Variants in RANBP17 observed in about 807,000 individuals in gnomAD.
RANBP17 encodes the protein RAN binding protein 17.
Under a neutral mutation model 141.2 loss-of-function variants are expected in RANBP17, and 158 were observed. The ratio of observed to expected loss-of-function variants is 1.12; its 90% CI spans 0.98 to 1.28. The LOEUF (loss-of-function observed/expected upper bound fraction) is 1.28, where lower values mean the gene tolerates loss of function less well. Among genes scored for constraint, RANBP17 ranks in the 50% most tolerant of loss-of-function variants. The pLI is 0.00. For missense variants in RANBP17, 1,438 were observed against 1,290.7 expected, an observed-to-expected ratio of 1.11 and a Z score of -1.75; for synonymous variants, 430 against 450.0, an observed-to-expected ratio of 0.96 and a Z score of 0.56.
At chr5:171,123,561 C>T (rs567267282) in intron 14 of RANBP17, among the ~76,000 whole-genome samples, 11 of 152,356 alleles carry the variant, frequency 7.2e-5, no homozygotes, top group African/African-American at 2.2e-4. Flanking sequence ...AAACACACCA[C>T]CTGGAGGCCC....
At chr5:170,971,722 A>G (rs1258590239) in intron 14 of RANBP17, among the ~76,000 whole-genome samples, 2 of 152,138 alleles carry the variant, frequency 1.3e-5, no homozygotes. Context: ...CTTTTGGAGT[A>G]TCTCTCAGGT....
Position 171,298,811 on chromosome 5 carries a change from C to A in RANBP17, c.3220C>A (p.Arg1074Ser), listed in dbSNP as rs748673739. ...CAGAAGAGATGTGGCAGAGGCGTTG[C>A]GCAGTGATGGCAACACTGAACCATG... ...VFRRDVAEALRSDGNTEPCSL... is the reference protein window; with the variant it reads ...VFRRDVAEALSSDGNTEPCSL... Residue 1074 changes from arginine (R) to serine (S), a missense_variant, in exon 28 of 28, where the codon CGC (arginine) becomes AGC (serine). Physicochemically the swap from Arg to Ser is moderately radical, Grantham distance 110. Transcript: ENST00000523189. 1 of 1,614,184 alleles carries A rather than the reference C, an allele frequency of 6.2e-7. No homozygotes were observed.
intron 14 of RANBP17, among the ~76,000 whole-genome samples, chr5:171,083,677 C>A (rs1429692359): frequency 6.6e-6 from 1 of 152,150 alleles, no homozygotes; most frequent in African/African-American, 2.4e-5. Flanking sequence ...TGTCCCCATC[C>A]AAATCTCATC....
At chr5:171,284,259 CCTT>C (rs1397418525) in intron 25 of RANBP17, among the ~76,000 whole-genome samples, 5 of 152,160 alleles carry the variant, frequency 3.3e-5, no homozygotes, top group East Asian at 3.9e-4. Flanking sequence ...AGTCTGGCAT[CCTT>C]CTCTTCATTG....
intron 3 of RANBP17, among the ~76,000 whole-genome samples, chr5:170,887,862 C>T (rs1408167432): frequency 6.6e-6 from 1 of 152,090 alleles, no homozygotes; most frequent in Non-Finnish European, 1.5e-5. Flanking sequence ...CAAAAGGGGG[C>T]TGAAATCGTC....
intron 2 of RANBP17, among the ~76,000 whole-genome samples, chr5:170,878,468 A>G (rs1157299088): frequency 6.6e-6 from 1 of 152,164 alleles, no homozygotes; most frequent in African/African-American, 2.4e-5. Flanking sequence ...ATGAATTGAG[A>G]TAGTTTCTTG....
rs369068977 is a variant in RANBP17 at position 170,914,243 on chromosome 5, A to C, written c.834+3A>C. The C allele has an allele frequency of 1.3e-6, 2 of 1,570,832 alleles. No homozygotes were observed. Among genetic ancestry groups the C allele is most frequent in the African/African-American group, 2.7e-5 (2 of 74,016 alleles). ...TTCCACCACTACTATCTCAGTTAGT[A>C]AGTAAAAGTCATTCGTTATTTCGTT... On this transcript the variant is annotated splice_donor_region_variant and intron_variant, in intron 8 of 27. Transcript: ENST00000523189.
intron 25 of RANBP17, among the ~76,000 whole-genome samples, chr5:171,268,902 G>A (rs777600203): frequency 6.6e-6 from 1 of 152,206 alleles, no homozygotes; most frequent in Non-Finnish European, 1.5e-5. Context: ...TTGGGCAGGA[G>A]ACAAATCAAG....
chr5:171,216,722 G>A (rs1763244516), intron 21 of RANBP17, among the ~76,000 whole-genome samples: 1 of 152,058 alleles, frequency 6.6e-6, no homozygotes, highest in South Asian at 2.1e-4. Context: ...GTCTATTGTT[G>A]GTATATAGGA....
chr5:171,290,411 C>T (rs542572154), intron 25 of RANBP17, among the ~76,000 whole-genome samples: 1 of 151,744 alleles, frequency 6.6e-6, no homozygotes, highest in South Asian at 2.1e-4. Flanking sequence ...TATGACACAG[C>T]GTATTTGGGT....
chr5:170,934,701 T>A (rs948119322), intron 12 of RANBP17, among the ~76,000 whole-genome samples: 2 of 152,234 alleles, frequency 1.3e-5, no homozygotes, highest in African/African-American at 4.8e-5. Context: ...CTTCCCTTTG[T>A]GGGTAACCCG....
At chr5:171,053,039 C>CA (rs1260086969) in intron 14 of RANBP17, among the ~76,000 whole-genome samples, 16 of 131,990 alleles carry the variant, frequency 1.2e-4, no homozygotes, top group Admixed American at 1.0e-3. Flanking sequence ...AGGCTGGTCT[C>CA]AAAATCTTAA....
At chr5:170,948,879 C>T (rs112123894) in intron 12 of RANBP17, among the ~76,000 whole-genome samples, 2 of 151,926 alleles carry the variant, frequency 1.3e-5, no homozygotes, top group Non-Finnish European at 1.5e-5. Context: ...GACCTGGGTG[C>T]GGTGGCTCAT....
intron 3 of RANBP17, among the ~76,000 whole-genome samples, chr5:170,885,157 CT>C (rs2127367299): frequency 6.6e-6 from 1 of 152,254 alleles, no homozygotes; most frequent in South Asian, 2.1e-4. Context: ...TTTCAGCTGA[CT>C]TTAGCTATAG....
At chr5:171,145,406 A>T (rs763565177) in intron 14 of RANBP17, among the ~76,000 whole-genome samples, 16 of 152,080 alleles carry the variant, frequency 1.1e-4, no homozygotes, top group Non-Finnish European at 1.6e-4. Flanking sequence ...CTTTTTTTTT[A>T]AATGAAATAC....
intron 24 of RANBP17, among the ~76,000 whole-genome samples, chr5:171,259,890 A>G (rs1766172213): frequency 6.6e-6 from 1 of 152,068 alleles, no homozygotes; most frequent in Non-Finnish European, 1.5e-5. Context: ...CTGCAGCAGG[A>G]GAATGGCTTG....
intron 3 of RANBP17, among the ~76,000 whole-genome samples, chr5:170,887,159 T>G (rs1769233971): frequency 6.6e-6 from 1 of 152,186 alleles, no homozygotes; most frequent in African/African-American, 2.4e-5. Flanking sequence ...TTTTTGAGTT[T>G]TAAGAGTTCT....
chr5:171,015,015 AGAAATC>A (rs1342861313), intron 14 of RANBP17, among the ~76,000 whole-genome samples: 1 of 152,042 alleles, frequency 6.6e-6, no homozygotes, highest in African/African-American at 2.4e-5. Flanking sequence ...TTTTATGATG[AGAAATC>A]TGCTGTAATC....
intron 25 of RANBP17, among the ~76,000 whole-genome samples, chr5:171,270,467 G>A (rs1424730362): frequency 1.3e-5 from 2 of 152,096 alleles, no homozygotes; most frequent in African/African-American, 4.8e-5. Context: ...AATTTAAGGA[G>A]AGCCCAACCG....
Sources: allele counts gnomAD v4.1 joint callset (sites outside exome capture counted in the v4.1 genomes callset), GRCh38; gene constraint gnomAD v4.1.1; transcripts MANE v1.5; gene names NCBI Gene and HGNC (gene_info 2026-07-23, HGNC 2026-07-21).